The following SGPL1 variants were observed in gnomAD, a reference collection of about 807,000 sequenced individuals.
The protein encoded by SGPL1 is SP-lyase 1.
In SGPL1, 37 loss-of-function variants were observed where a neutral mutation model predicts 68.9. That is an observed-to-expected ratio of 0.54 (90% CI 0.41 to 0.71). The LOEUF is 0.71. SGPL1 is among the 30% of genes least tolerant of loss of function. The probability of loss-of-function intolerance (pLI) is 0.00; values close to 1 mark genes in which losing one functional copy is unlikely to be tolerated. For missense variants in SGPL1, 551 were observed against 704.6 expected (o/e 0.78, Z 2.47); for synonymous variants, 236 against 248.5 (o/e 0.95, Z 0.47).
chr10:70,860,624 A>G, intron 7 of SGPL1: 1 of 343,698 alleles, frequency 2.9e-6, no homozygotes, highest in Non-Finnish European at 5.8e-6. Flanking sequence ...ATATTCTCCT[A>G]TGCCATTAGA....
intron 2 of SGPL1, among the ~76,000 whole-genome samples, chr10:70,832,078 G>A (rs867215158): frequency 2.6e-5 from 4 of 152,118 alleles, no homozygotes; most frequent in East Asian, 1.9e-4. Flanking sequence ...CAATATATAC[G>A]TATAACATCA....
In SGPL1 at chr10:70,875,557, GAAGAAGCCTC is replaced by G; in HGVS notation, c.1445+10_1445+19del. The G allele has an allele frequency of 6.2e-7, 1 of 1,601,078 alleles. No homozygotes were observed. Among genetic ancestry groups the G allele is most frequent in the Non-Finnish European group, 8.5e-7 (1 of 1,172,744 alleles). On this transcript the variant is annotated intron_variant, in intron 13 of 14. Transcript: ENST00000373202. Reference sequence around the variant, plus strand: ...TTGCAGTTCCCACCCAGGTAAGCTTGAAGAAGCCTCTTTCCCTTATTTTGCTCCATGATTT... The same window carrying G: ...TTGCAGTTCCCACCCAGGTAAGCTTGTTTCCCTTATTTTGCTCCATGATTT...
At chr10:70,852,965 G>A (rs780676853) in intron 4 of SGPL1, among the ~76,000 whole-genome samples, 69 of 152,166 alleles carry the variant, frequency 4.5e-4, no homozygotes, top group Non-Finnish European at 9.1e-4. Flanking sequence ...ATTGGGTAAC[G>A]TAATACAGGC....
intron 2 of SGPL1, among the ~76,000 whole-genome samples, chr10:70,819,180 T>C (rs999038541): frequency 6.6e-6 from 1 of 152,204 alleles, no homozygotes; most frequent in African/African-American, 2.4e-5. Context: ...TTGGAATCAG[T>C]TTTCTTTTGA....
chr10:70,867,016 T>C (rs888644266), intron 7 of SGPL1, among the ~76,000 whole-genome samples: 1 of 152,218 alleles, frequency 6.6e-6, no homozygotes, highest in African/African-American at 2.4e-5. Flanking sequence ...CAGATGCTAA[T>C]GTATGACATT....
chr10:70,840,559 G>A (rs889027580), intron 2 of SGPL1, among the ~76,000 whole-genome samples: 12 of 152,054 alleles, frequency 7.9e-5, no homozygotes, highest in African/African-American at 2.9e-4. Flanking sequence ...ACACTAGGAG[G>A]ACCTTAGAAT....
intron 2 of SGPL1, 148 bp downstream of exon 2, chr10:70,817,028 TG>T: frequency 2.2e-6 from 2 of 894,982 alleles, no homozygotes; most frequent in Non-Finnish European, 3.8e-6. Flanking sequence ...TGTTTTGTTT[TG>T]TTTTTTTGGA....
intron 3 of SGPL1, among the ~76,000 whole-genome samples, chr10:70,848,535 G>A (rs1402321841): frequency 1.4e-5 from 2 of 143,682 alleles, no homozygotes; most frequent in Non-Finnish European, 1.5e-5. Context: ...CACGATCTCG[G>A]CTCACTGCAA....
At position 70,844,463 on chromosome 10, in the gene SGPL1, G is replaced by T; in HGVS notation, c.28-10G>T. ...AATGTAATGTTTTTATTTTTCACTT[G>T]TATTTCTAGAAGGCCTTTGAGCCCT... On this transcript the variant is annotated splice_polypyrimidine_tract_variant and intron_variant, in intron 2 of 14. Coordinates refer to ENST00000373202, the MANE Select transcript of SGPL1 (RefSeq NM_003901.4). The T allele has an allele frequency of 6.2e-7, 1 of 1,609,648 alleles. No homozygotes were observed.
At position 70,875,398 on chromosome 10, in the gene SGPL1, TAAGAC is replaced by T; in HGVS notation, c.1299-3_1300del. On this transcript the variant is annotated splice_acceptor_variant and splice_polypyrimidine_tract_variant and coding_sequence_variant and intron_variant, in exon 13 of 15. Coordinates refer to ENST00000373202, the MANE Select transcript of SGPL1 (RefSeq NM_003901.4). LOFTEE classifies it high-confidence loss of function. ...TCTTCCTTCATTTATTTTTTTGTTT[TAAGAC>T]TGGAAAATATCAAAGGCATCTTTGT... The T allele has an allele frequency of 6.3e-7, 1 of 1,598,978 alleles. No individual in the cohort carries two copies. The highest frequency in any genetic ancestry group is 1.7e-5 in the Admixed American group (1 of 59,870).
chr10:70,876,832 C>T (rs1846398442), intron 14 of SGPL1, among the ~76,000 whole-genome samples, 171 bp downstream of exon 14: 2 of 152,208 alleles, frequency 1.3e-5, no homozygotes, highest in Admixed American at 1.3e-4. Context: ...CTTAGGGTTG[C>T]TGAAGTCTCA....
At chr10:70,823,228 T>C (rs1845373350) in intron 2 of SGPL1, among the ~76,000 whole-genome samples, 3 of 151,432 alleles carry the variant, frequency 2.0e-5, no homozygotes, top group African/African-American at 7.3e-5. Context: ...TGTGTAATCA[T>C]TTTTTAGTAC....
chr10:70,838,557 G>GT (rs1342700840), intron 2 of SGPL1, among the ~76,000 whole-genome samples: 1 of 152,162 alleles, frequency 6.6e-6, no homozygotes, highest in Admixed American at 6.5e-5. Flanking sequence ...AGAATAAATC[G>GT]TAAGTATAAA....
chr10:70,874,185 T>G (rs1388659782), intron 12 of SGPL1, among the ~76,000 whole-genome samples: 1 of 152,230 alleles, frequency 6.6e-6, no homozygotes, highest in Non-Finnish European at 1.5e-5. Flanking sequence ...AATGTATCTG[T>G]TAACATCTTA....
intron 2 of SGPL1, among the ~76,000 whole-genome samples, chr10:70,839,568 T>C (rs1845684577): frequency 6.6e-6 from 1 of 152,150 alleles, no homozygotes; most frequent in Admixed American, 6.5e-5. Flanking sequence ...TAAAGATTGA[T>C]GAAATAATTT....
At chr10:70,873,256 TA>T in intron 11 of SGPL1, 94 bp from the exon 12 acceptor site, 1 of 907,080 alleles carries the variant, frequency 1.1e-6, no homozygotes, top group Non-Finnish European at 1.8e-6. Flanking sequence ...AACTGAGAAA[TA>T]AATAGGATTT....
chr10:70,816,764 G>T, intron 1 of SGPL1, 47 bp from the exon 2 acceptor site: 1 of 1,326,422 alleles, frequency 7.5e-7, no homozygotes, highest in Non-Finnish European at 1.1e-6. Flanking sequence ...GGGCTGGCGA[G>T]ACAGTTTAAA....
intron 2 of SGPL1, among the ~76,000 whole-genome samples, chr10:70,833,168 A>G (rs1202153295): frequency 6.6e-6 from 1 of 152,178 alleles, no homozygotes; most frequent in Admixed American, 6.5e-5. Flanking sequence ...TTGTTATTTC[A>G]GGGATGGAAA....
At chr10:70,816,660 G>A (rs1176587918) in intron 1 of SGPL1, among the ~76,000 whole-genome samples, 151 bp from the exon 2 acceptor site, 1 of 152,172 alleles carries the variant, frequency 6.6e-6, no homozygotes, top group Non-Finnish European at 1.5e-5. Flanking sequence ...CGCTGGTCTG[G>A]GGTGCTAGGG....
Sources: allele counts gnomAD v4.1 joint callset (sites outside exome capture counted in the v4.1 genomes callset), GRCh38; gene constraint gnomAD v4.1.1; transcripts MANE v1.5; gene names NCBI Gene and HGNC (gene_info 2026-07-23, HGNC 2026-07-21).